The following NEK5 variants were observed in gnomAD, a reference collection of about 807,000 sequenced individuals.
NEK5 encodes serine/threonine-protein kinase Nek5.
NEK5 carries 88 observed loss-of-function variants against 109.2 expected under a neutral mutation model. The ratio of observed to expected loss-of-function variants is 0.81; its 90% CI spans 0.68 to 0.96. The LOEUF is 0.96. Among genes scored for constraint, NEK5 ranks in the 40% least tolerant of loss-of-function variants. NEK5 has a pLI of 0.00. For missense variants in NEK5, 834 were observed against 920.7 expected (o/e 0.91, Z 1.22); for synonymous variants, 283 against 299.9 (o/e 0.94, Z 0.58).
At position 52,127,452 on chromosome 13, in the gene NEK5, C is replaced by A. The variant is rs771852034; in HGVS notation, c.31G>T (p.Gly11Trp). MDKYDVIKAI[G>W]QGAFGKAYLA... ...TATGCTTTCCCGAAGGCACCTTGCC[C>A]GATGGCCTTAATCACATCGTACTTA... The change falls in exon 3 of 24, where the codon GGG (glycine) becomes TGG (tryptophan). Residue 11 changes from glycine to tryptophan, a missense_variant. Coordinates refer to ENST00000684899, the MANE Select transcript of NEK5 (RefSeq NM_001365552.1). 1.2e-6 allele frequency: 2 copies of A among 1,611,104 alleles called. No homozygotes were observed. Among genetic ancestry groups the A allele is most frequent in the Non-Finnish European group, 1.7e-6 (2 of 1,177,336 alleles).
intron 21 of NEK5, among the ~76,000 whole-genome samples, chr13:52,063,379 A>G (rs970645860): frequency 8.5e-4 from 130 of 152,292 alleles, no homozygotes; most frequent in East Asian, 4.6e-3. Context: ...TCAGTGCTCA[A>G]TGGTGCCCAG....
chr13:52,074,417 C>T (rs1271163615), intron 19 of NEK5, among the ~76,000 whole-genome samples: 1 of 152,086 alleles, frequency 6.6e-6, no homozygotes, highest in African/African-American at 2.4e-5. Flanking sequence ...GCTGGGATAG[C>T]TGGTTAGCTA....
intron 23 of NEK5, among the ~76,000 whole-genome samples, chr13:52,049,778 T>C (rs1243595123): frequency 6.6e-6 from 1 of 152,214 alleles, no homozygotes; most frequent in Non-Finnish European, 1.5e-5. Flanking sequence ...AAGCTTGATA[T>C]ACTGTGTATG....
intron 8 of NEK5, among the ~76,000 whole-genome samples, 157 bp from the exon 9 acceptor site, chr13:52,104,709 A>C (rs187383384): frequency 1.3e-5 from 2 of 152,352 alleles, no homozygotes; most frequent in Admixed American, 1.3e-4. Flanking sequence ...TTCTTATTAG[A>C]AGATAAGAGG....
chr13:52,127,221 A>C, intron 3 of NEK5, 145 bp downstream of exon 3: 1 of 577,352 alleles, frequency 1.7e-6, no homozygotes. Flanking sequence ...CTGTTTGGAC[A>C]ATGGACTTAG....
intron 21 of NEK5, among the ~76,000 whole-genome samples, chr13:52,063,866 T>C (rs936000059): frequency 3.3e-5 from 5 of 150,884 alleles, no homozygotes; most frequent in African/African-American, 1.2e-4. Context: ...GTGAGGAGCG[T>C]CTCCGCCCGG....
At chr13:52,101,681 A>G (rs1955534782) in intron 11 of NEK5, among the ~76,000 whole-genome samples, 1 of 152,158 alleles carries the variant, frequency 6.6e-6, no homozygotes, top group African/African-American at 2.4e-5. Context: ...CATCTCTATT[A>G]GCATGTCCTC....
At chr13:52,039,406 T>C (rs1954395575) in intron 23 of NEK5, among the ~76,000 whole-genome samples, 1 of 152,202 alleles carries the variant, frequency 6.6e-6, no homozygotes, top group South Asian at 2.1e-4. Flanking sequence ...CACTTACTGT[T>C]ACCATTCCTG....
At chr13:52,066,908 A>G (rs1379836333) in intron 20 of NEK5, among the ~76,000 whole-genome samples, 1 of 152,126 alleles carries the variant, frequency 6.6e-6, no homozygotes, top group Non-Finnish European at 1.5e-5. Context: ...ATCATATTAT[A>G]TAGGGTCTGA....
chr13:52,069,283 T>G (rs1164538896), intron 20 of NEK5, among the ~76,000 whole-genome samples: 1 of 152,164 alleles, frequency 6.6e-6, no homozygotes, highest in East Asian at 1.9e-4. Flanking sequence ...GCCTTTCTCT[T>G]CCAGTTGATG....
chr13:52,065,732 C>T lies in NEK5; in HGVS notation c.1850-123G>A, dbSNP rs1954679325. On this transcript the variant is annotated intron_variant, in intron 20 of 23. Transcript: ENST00000684899. The stretch of plus-strand genomic sequence containing the variant: ...GTATGTTCAAAACCAGAAAAATGAC[C>T]ACCCTTGTTCTAACAGATATAAGAC... 3 of 646,820 alleles carry T rather than the reference C, an allele frequency of 4.6e-6. No homozygotes were observed. The African/African-American group carries it at 5.4e-5, about 12-fold the overall frequency. 40.1% of individuals were successfully genotyped at this position (646,820 alleles called of 1,614,324 possible).
intron 17 of NEK5, among the ~76,000 whole-genome samples, chr13:52,080,265 T>TG (rs1277484357): frequency 0.012 from 1,208 of 104,170 alleles, 13 homozygotes; most frequent in Non-Finnish European, 0.016. Flanking sequence ...GGGAGGGAGG[T>TG]GGGGGGGGGT....
At chr13:52,107,396 G>T (rs959796749) in intron 8 of NEK5, among the ~76,000 whole-genome samples, 30 of 152,020 alleles carry the variant, frequency 2.0e-4, no homozygotes, top group African/African-American at 7.2e-4. Context: ...TTTGAGACCA[G>T]CCTGGACAAC....
intron 23 of NEK5, among the ~76,000 whole-genome samples, chr13:52,044,333 A>G (rs1954439005): frequency 6.6e-6 from 1 of 152,154 alleles, no homozygotes; most frequent in African/African-American, 2.4e-5. Context: ...CCAACCATAC[A>G]ACTCCGCCAT....
chr13:52,127,948 A>G (rs1049690508), intron 1 of NEK5, among the ~76,000 whole-genome samples: 6 of 152,064 alleles, frequency 3.9e-5, no homozygotes, highest in Non-Finnish European at 7.4e-5. Flanking sequence ...TTCTGGAAAT[A>G]TATGGGGGTG....
chr13:52,039,445 TTG>T (rs779887254), intron 23 of NEK5, among the ~76,000 whole-genome samples: 3 of 152,196 alleles, frequency 2.0e-5, no homozygotes, highest in Non-Finnish European at 4.4e-5. Context: ...GATCTTTCCT[TTG>T]TCTTTGTTCC....
At chr13:52,108,562 T>C (rs1955698070) in intron 7 of NEK5, among the ~76,000 whole-genome samples, 158 bp from the exon 8 acceptor site, 1 of 152,216 alleles carries the variant, frequency 6.6e-6, no homozygotes, top group South Asian at 2.1e-4. Context: ...GTTGATAAAG[T>C]AACTAAATCA....
rs111838891 is a variant in NEK5 at position 52,102,269 on chromosome 13, C to T, written c.633G>A (p.Gln211=). 2 of 1,614,074 alleles carry T rather than the reference C, an allele frequency of 1.2e-6. No homozygotes were observed. The highest frequency in any genetic ancestry group is 2.2e-5 in the South Asian group (2 of 91,084). The change falls in exon 10 of 24, where the codon CAG becomes CAA. Residue 211 remains glutamine, a synonymous_variant. Transcript: ENST00000684899. ...KHPFEGNNLQ[Q]LVLKICQAHF... ...GTGCTTGACAAATCTTCAGAACCAG[C>T]TGCTGTAAGTTGTTACCCTCAAACT...
chr13:52,079,599 G>C (rs1405468786), intron 17 of NEK5, among the ~76,000 whole-genome samples: 2 of 152,308 alleles, frequency 1.3e-5, no homozygotes, highest in Non-Finnish European at 2.9e-5. Flanking sequence ...GGTTCACTCA[G>C]TGCTCAATGG....
Sources: allele counts gnomAD v4.1 joint callset (sites outside exome capture counted in the v4.1 genomes callset), GRCh38; gene constraint gnomAD v4.1.1; transcripts MANE v1.5; gene names NCBI Gene and HGNC (gene_info 2026-07-23, HGNC 2026-07-21).